ENG: variants seen among roughly 807,000 people sequenced by gnomAD.
ENG encodes endoglin, also known as CD105 antigen.
A neutral mutation model predicts 71.0 loss-of-function variants in ENG; 17 were observed. The ratio of observed to expected loss-of-function variants is 0.24; its 90% CI spans 0.16 to 0.36. ENG has a LOEUF of 0.36. Among genes scored for constraint, ENG ranks in the 10% least tolerant of loss-of-function variants. The pLI, the probability that ENG is intolerant of heterozygous loss-of-function variation, is 1.00. For synonymous variants in ENG, 360 were observed against 366.9 expected (o/e 0.98, Z 0.21); for missense variants, 749 against 868.3 (o/e 0.86, Z 1.73).
intron 1 of ENG, chr9:127,847,090 G>T: frequency 3.7e-6 from 1 of 267,174 alleles, no homozygotes; most frequent in Non-Finnish European, 5.8e-6. Flanking sequence ...AATAATCACT[G>T]CAGATGCTCC....
rs375025857 is a variant in ENG, at chr9:127,825,845, G to A, written c.539C>T (p.Ser180Phe). The A allele has an allele frequency of 1.3e-5, 21 of 1,594,850 alleles. No homozygotes were observed. Among genetic ancestry groups the A allele is most frequent in the Non-Finnish European group, 1.8e-5 (21 of 1,171,238 alleles). ...CTGGCTGGCTTCCAGCATGCAGAAG[G>A]ACAGTGACCCCTGGGCTGCAGAGAC... Reference protein sequence around the residue: ...LRLGQAQGSLSFCMLEASQDM... With the variant: ...LRLGQAQGSLFFCMLEASQDM... Residue 180 changes from serine (S) to phenylalanine (F), a missense_variant, in exon 5 of 15, where the codon TCC (serine) becomes TTC (phenylalanine). Coordinates refer to ENST00000373203, the MANE Select transcript of ENG (RefSeq NM_001114753.3).
rs1288949855 is a variant in ENG, at chr9:127,815,956, G to A, written c.1839C>T (p.Ile613=). Residue 613 remains isoleucine, a synonymous_variant, in exon 14 of 15, where the codon ATC becomes ATT. Transcript: ENST00000373203. ...TGGGGTACTCACGCGTGTGCGAGTAGATGTACCAGAGTGCAGCAGTGAGCA... is the reference window on the plus strand; with the variant it reads ...TGGGGTACTCACGCGTGTGCGAGTAAATGTACCAGAGTGCAGCAGTGAGCA... ...GALLTAALWY[I]YSHTRSPSKR... is the part of the protein sequence containing the mutation. 3 of 1,601,578 alleles carry A rather than the reference G, an allele frequency of 1.9e-6. No homozygotes were observed. The highest frequency in any genetic ancestry group is 2.6e-6 in the Non-Finnish European group (3 of 1,174,884).
chr9:127,824,397 C>A lies in ENG; in HGVS notation c.1041G>T (p.Lys347Asn). 1 of 1,613,968 alleles carries A rather than the reference C, an allele frequency of 6.2e-7. No homozygotes were observed. ...SPAPIQTTPPKDTCSPELLMS... is the reference protein window; with the variant it reads ...SPAPIQTTPPNDTCSPELLMS... ...TGAGCAGCTCCGGGCTACAAGTGTC[C>A]TTGGGAGGAGTGGTCTGGATCGGTG... The change falls in exon 8 of 15, where the codon AAG becomes AAT. Residue 347 changes from lysine to asparagine, a missense_variant. By Grantham distance (94) the Lys-to-Asn change is moderately conservative. Coordinates refer to ENST00000373203, the MANE Select transcript of ENG (RefSeq NM_001114753.3).
At chr9:127,824,283 G>A (rs1367358572) in intron 8 of ENG, 21 bp downstream of exon 8, 3 of 1,614,100 alleles carry the variant, frequency 1.9e-6, no homozygotes, top group Non-Finnish European at 2.5e-6. Context: ...TCCTGAGCCA[G>A]AGGGGCAGGA....
chr9:127,829,859 C>G, intron 2 of ENG, 32 bp from the exon 3 acceptor site: 1 of 1,613,204 alleles, frequency 6.2e-7, no homozygotes, highest in Non-Finnish European at 8.5e-7. Context: ...CACACACAGT[C>G]CAGTCAGATT....
chr9:127,849,602 A>G (rs2131929584), intron 1 of ENG, among the ~76,000 whole-genome samples: 1 of 152,284 alleles, frequency 6.6e-6, no homozygotes, highest in Middle Eastern at 3.4e-3. Flanking sequence ...AGGCAGGAGG[A>G]AGACAGAGCA....
chr9:127,836,688 T>C lies in ENG; in HGVS notation c.219+6406A>G, dbSNP rs1167461203. On this transcript the variant is annotated intron_variant, in intron 2 of 14. Coordinates refer to ENST00000373203, the MANE Select transcript of ENG (RefSeq NM_001114753.3). The surrounding 1 kb of genome is among the most constrained non-coding windows in gnomAD (Gnocchi z 4.0). The stretch of plus-strand genomic sequence containing the variant: ...TATGCCTCTCTGGGCCTCAGTTTCC[T>C]GATTTGGAAAATGGTATTCCCACTT... Among the ~76,000 whole-genome samples, 1 of 152,264 alleles carries C rather than the reference T, an allele frequency of 6.6e-6. No individual in the cohort carries two copies. Among genetic ancestry groups the C allele is most frequent in the African/African-American group, 2.4e-5 (1 of 41,472 alleles).
intron 10 of ENG, chr9:127,819,292 G>A (rs916694109): frequency 8.0e-6 from 3 of 374,902 alleles, no homozygotes; most frequent in African/African-American, 4.2e-5. Flanking sequence ...GCCAGGCTGT[G>A]TGAAGAGCTT....
rs573406089 is a variant in ENG at position 127,833,350 on chromosome 9, C to T, written c.220-3523G>A. Among the ~76,000 whole-genome samples the T allele has an allele frequency of 1.1e-4, 16 of 151,904 alleles. No individual in the cohort carries two copies. The South Asian group carries it at 1.5e-3, about 14-fold the overall frequency. On this transcript the variant is annotated intron_variant, in intron 2 of 14. Coordinates refer to ENST00000373203, the MANE Select transcript of ENG (RefSeq NM_001114753.3). ...CAACCTGACCAACGTGGAGAAACCC[C>T]GTCTCTACTAAAAATACTAAATTAG...
At chr9:127,822,404 G>A (rs896060777) in intron 8 of ENG, 3 of 152,234 alleles carry the variant, frequency 2.0e-5, no homozygotes, top group Admixed American at 6.5e-5. Flanking sequence ...TCATCTTTGG[G>A]AAAGTGGGTT....
intron 1 of ENG, among the ~76,000 whole-genome samples, chr9:127,852,552 G>A (rs1465539061): frequency 6.6e-6 from 1 of 152,160 alleles, no homozygotes; most frequent in Non-Finnish European, 1.5e-5. Flanking sequence ...GTTTCCAGGA[G>A]TTTTTCCAAC....
chr9:127,828,572 G>A (rs1229408631), intron 3 of ENG, among the ~76,000 whole-genome samples: 1 of 152,182 alleles, frequency 6.6e-6, no homozygotes, highest in Admixed American at 6.5e-5. Flanking sequence ...GACTCAGATC[G>A]GGAAGGGGGA....
At chr9:127,832,453 G>T (rs1425758974) in intron 2 of ENG, among the ~76,000 whole-genome samples, 2 of 152,154 alleles carry the variant, frequency 1.3e-5, no homozygotes, top group African/African-American at 4.8e-5. Flanking sequence ...GACACAGGAA[G>T]TCAGCCAGGG....
At chr9:127,848,117 G>T (rs779337344) in intron 1 of ENG, among the ~76,000 whole-genome samples, 1 of 152,144 alleles carries the variant, frequency 6.6e-6, no homozygotes, top group East Asian at 1.9e-4. Flanking sequence ...CCTGCACAGC[G>T]CTAGGCCGGC....
At position 127,825,779 on chromosome 9, in the gene ENG, G is replaced by A; in HGVS notation, c.605C>T (p.Ala202Val). The stretch of plus-strand genomic sequence containing the variant: ...TTCCAAGTGGCAGCCCCGGACCAAG[G>A]CTGGAGTACGCGGCCGCCACTCGAG... ...RTLEWRPRTP[A>V]LVRGCHLEGV... Residue 202 changes from alanine to valine, a missense_variant, in exon 5 of 15, where the codon GCC becomes GTC. By Grantham distance (64) the Ala-to-Val change is moderately conservative. Coordinates refer to ENST00000373203, the MANE Select transcript of ENG (RefSeq NM_001114753.3). 6.3e-7 allele frequency: 1 copy of A among 1,595,674 alleles called. No homozygotes were observed. Among genetic ancestry groups the A allele is most frequent in the Non-Finnish European group, 8.5e-7 (1 of 1,172,602 alleles).
intron 3 of ENG, among the ~76,000 whole-genome samples, chr9:127,829,047 C>G (rs993045089): frequency 3.9e-5 from 6 of 152,182 alleles, no homozygotes; most frequent in African/African-American, 1.2e-4. Flanking sequence ...GACCTCCTCT[C>G]TCTGGTGGAT....
chr9:127,850,787 G>A (rs1252130550), intron 1 of ENG, among the ~76,000 whole-genome samples: 1 of 152,216 alleles, frequency 6.6e-6, no homozygotes, highest in African/African-American at 2.4e-5. Flanking sequence ...CTGCCGGGAC[G>A]CAATCCACAT....
chr9:127,850,800 A>G (rs1056373711), intron 1 of ENG, among the ~76,000 whole-genome samples: 2 of 152,234 alleles, frequency 1.3e-5, no homozygotes, highest in Non-Finnish European at 1.5e-5. Context: ...ATCCACATGA[A>G]ATAATCCAAA....
At chr9:127,853,638 G>A (rs1454928572) in intron 1 of ENG, among the ~76,000 whole-genome samples, 1 of 152,228 alleles carries the variant, frequency 6.6e-6, no homozygotes, top group Non-Finnish European at 1.5e-5. Flanking sequence ...CTGCAGCCTT[G>A]GCCTGTTCAA....
Sources: gnomAD v4.1 joint callset for allele counts (sites outside exome capture counted in the v4.1 genomes callset) on GRCh38, gnomAD v4.1.1 for gene constraint, Gnocchi (gnomAD v3.1) non-coding constraint, MANE v1.5 for transcripts, NCBI Gene and HGNC (gene_info 2026-07-23, HGNC 2026-07-21) for gene names.